ZCCHC2: variants seen among roughly 807,000 people sequenced by gnomAD.
ZCCHC2 encodes the protein zinc finger CCHC-type containing 2.
Under a neutral mutation model 103.6 loss-of-function variants are expected in ZCCHC2, and 39 were observed. The observed-to-expected ratio is 0.38, with a 90% CI of 0.29 to 0.49. ZCCHC2 has a LOEUF of 0.49. Ranked by LOEUF, ZCCHC2 falls within the 20% of genes least tolerant of loss-of-function variation. ZCCHC2 has a pLI of 0.96. For synonymous variants in ZCCHC2, 687 were observed against 608.9 expected (o/e 1.13, Z -1.89); for missense variants, 1,483 against 1,491.0 (o/e 0.99, Z 0.09).
chr18:62,523,353 C>A lies in ZCCHC2; in HGVS notation c.-72C>A. 2.0e-6 allele frequency: 2 copies of A among 997,446 alleles called. No individual in the cohort carries two copies. The highest frequency in any genetic ancestry group is 1.1e-4 in the East Asian group (1 of 9,288). 61.8% of individuals were successfully genotyped at this position (997,446 alleles called of 1,614,324 possible). A position where few individuals can be genotyped will look rare whatever the true frequency, so the allele number is the denominator to read the frequency against. ...CCGCTCCTGACGGCCGCGCCGCCGC[C>A]TCGGCCCGTGCTCCACCTCGCGGCC... On this transcript the variant is annotated 5_prime_UTR_variant, in exon 1 of 14. Transcript: ENST00000269499.
intron 2 of ZCCHC2, among the ~76,000 whole-genome samples, chr18:62,541,944 T>C (rs541396754): frequency 1.3e-5 from 2 of 152,326 alleles, no homozygotes; most frequent in South Asian, 4.1e-4. Context: ...TATTATAATG[T>C]TCAGTTTATA....
exon 15 of ZCCHC2, chr18:62,585,629 A>G (rs1253403466): frequency 6.6e-6 from 1 of 152,168 alleles, no homozygotes; most frequent in Non-Finnish European, 1.5e-5. Flanking sequence ...CACCCACCAC[A>G]GTCCATGTGA....
In ZCCHC2 at chr18:62,523,298, C is replaced by T; in HGVS notation, c.-127C>T. On this transcript the variant is annotated 5_prime_UTR_variant, in exon 1 of 14. Coordinates refer to ENST00000269499, the MANE Select transcript of ZCCHC2 (RefSeq NM_017742.6). ...CGCCGGCCGAGACCCGCCCCCGGCC[C>T]CGGCCCTCCCCCGGCGGCATGGAGG... 1.1e-6 allele frequency: 1 copy of T among 923,522 alleles called. No homozygotes were observed. 57.2% of individuals were successfully genotyped at this position (923,522 alleles called of 1,614,324 possible).
At chr18:62,548,344 A>G (rs1269187096) in intron 4 of ZCCHC2, among the ~76,000 whole-genome samples, 1 of 152,190 alleles carries the variant, frequency 6.6e-6, no homozygotes, top group African/African-American at 2.4e-5. Flanking sequence ...AAAATAAATC[A>G]GTTTGCTCAT....
chr18:62,523,455 A>G lies in ZCCHC2; in HGVS notation c.31A>G (p.Thr11Ala), dbSNP rs962440736. 272 of 1,088,284 alleles carry G rather than the reference A, an allele frequency of 2.5e-4. No individual in the cohort carries two copies. The highest frequency in any genetic ancestry group is 3.1e-4 in the Admixed American group (8 of 26,120). The allele number at this position is 1,088,284 out of a possible 1,614,324, so 67.4% of individuals were successfully genotyped here. A position where few individuals can be genotyped will look rare whatever the true frequency, so the allele number is the denominator to read the frequency against. ...GAGGATGAAGCTGCCGCTGAAGCCA[A>G]CGCACCCCGCGGAGCCGCCGCCCGA... is the stretch of plus-strand genomic sequence containing the variant. MLRMKLPLKP[T>A]HPAEPPPEAE... is the part of the protein sequence containing the mutation. Residue 11 changes from threonine (T) to alanine (A), a missense_variant, in exon 1 of 14, where the codon ACG becomes GCG. This residue lies in a region of ZCCHC2 where 568 missense variants were observed against 525.1 expected (regional missense o/e 1.08). Coordinates refer to ENST00000269499, the MANE Select transcript of ZCCHC2 (RefSeq NM_017742.6).
intron 1 of ZCCHC2, among the ~76,000 whole-genome samples, chr18:62,534,999 G>A (rs758569974): frequency 6.6e-6 from 1 of 152,206 alleles, no homozygotes; most frequent in East Asian, 1.9e-4. Context: ...TTTTTGCACT[G>A]GGGGTGAAGC....
chr18:62,545,029 C>G (rs1031220282), intron 4 of ZCCHC2, among the ~76,000 whole-genome samples, 156 bp downstream of exon 4: 3 of 152,108 alleles, frequency 2.0e-5, no homozygotes, highest in Non-Finnish European at 2.9e-5. Flanking sequence ...TCATGTTATT[C>G]TAAAAATGTT....
At position 62,524,037 on chromosome 18, in the gene ZCCHC2, C is replaced by T. The variant is rs747302925; in HGVS notation, c.613C>T (p.Leu205=). ...LPQVDSVLKS[L]RAARGEGSRG... ...CCAGGTGGACTCGGTGCTCAAAAGC[C>T]TGCGCGCGGCCCGGGGCGAGGGCTC... The change falls in exon 1 of 14, where the codon CTG becomes TTG. Residue 205 remains leucine, a synonymous_variant. Coordinates refer to ENST00000269499, the MANE Select transcript of ZCCHC2 (RefSeq NM_017742.6). 46 of 1,466,714 alleles carry T rather than the reference C, an allele frequency of 3.1e-5. No individual in the cohort carries two copies. Among genetic ancestry groups the T allele is most frequent in the Non-Finnish European group, 3.9e-5 (44 of 1,121,252 alleles). The allele number at this position is 1,466,714 out of a possible 1,614,324, so 90.9% of individuals were successfully genotyped here. A position where few individuals can be genotyped will look rare whatever the true frequency, so the allele number is the denominator to read the frequency against.
At chr18:62,569,856 A>G (rs979847204) in intron 11 of ZCCHC2, among the ~76,000 whole-genome samples, 1 of 152,016 alleles carries the variant, frequency 6.6e-6, no homozygotes, top group African/African-American at 2.4e-5. Context: ...CCTGCAACCA[A>G]CCTTAACTCG....
At chr18:62,545,225 GA>G (rs998524926) in intron 4 of ZCCHC2, among the ~76,000 whole-genome samples, 83 of 143,692 alleles carry the variant, frequency 5.8e-4, no homozygotes, top group African/African-American at 1.2e-3. Context: ...ATCTCTATTT[GA>G]AAAAAAAAAA....
chr18:62,563,188 C>T (rs1327235577), intron 9 of ZCCHC2, 44 bp downstream of exon 9: 1 of 1,571,652 alleles, frequency 6.4e-7, no homozygotes, highest in East Asian at 2.3e-5. Flanking sequence ...TAAAGCATTG[C>T]TCCTCTATAA....
chr18:62,575,017 G>C lies in ZCCHC2; in HGVS notation c.2936G>C (p.Ser979Thr). 6.2e-7 allele frequency: 1 copy of C among 1,614,004 alleles called. No individual in the cohort carries two copies. The highest frequency in any genetic ancestry group is 8.5e-7 in the Non-Finnish European group (1 of 1,179,896). The change falls in exon 13 of 14, where the codon AGT becomes ACT. Residue 979 changes from serine (S) to threonine (T), a missense_variant. Ser to Thr is a moderately conservative substitution (Grantham distance 58, BLOSUM62 1). Coordinates refer to ENST00000269499, the MANE Select transcript of ZCCHC2 (RefSeq NM_017742.6). ...APSPSPALTH[S>T]TAQSDSTSYI... The stretch of plus-strand genomic sequence containing the variant: ...AGCCCAAGCCCTGCCTTGACACACA[G>C]TACCGCGCAGAGTGACAGCACCTCT...
chr18:62,537,887 C>T (rs1057183170), intron 1 of ZCCHC2, among the ~76,000 whole-genome samples: 11 of 152,124 alleles, frequency 7.2e-5, no homozygotes, highest in Non-Finnish European at 1.5e-5. Flanking sequence ...ATTTTTGTTT[C>T]CACCATCAAT....
At chr18:62,560,536 G>A (rs890368030) in intron 7 of ZCCHC2, 51 bp from the exon 8 acceptor site, 2 of 1,488,180 alleles carry the variant, frequency 1.3e-6, no homozygotes, top group African/African-American at 2.8e-5. Flanking sequence ...TCCTACTGTT[G>A]GTTTTTGCTG....
At chr18:62,542,304 G>T (rs1915228157) in intron 2 of ZCCHC2, among the ~76,000 whole-genome samples, 194 bp from the exon 3 acceptor site, 1 of 151,984 alleles carries the variant, frequency 6.6e-6, no homozygotes, top group African/African-American at 2.4e-5. Flanking sequence ...TTTTTTCATG[G>T]GTGGATGGCA....
Position 62,523,376 on chromosome 18 carries a change from G to GGGGGGGGGGGGC in ZCCHC2, c.-49_-48insGGGGGGGGGGGC. On this transcript the variant is annotated 5_prime_UTR_variant, in exon 1 of 14. Transcript: ENST00000269499. The stretch of plus-strand genomic sequence containing the variant: ...GCCTCGGCCCGTGCTCCACCTCGCG[G>GGGGGGGGGGGGC]CCCCTCCCGCCCGCCCCCGCTCGCA... 5.9e-6 allele frequency: 6 copies of GGGGGGGGGGGGC among 1,012,346 alleles called. No individual in the cohort carries two copies. The highest frequency in any genetic ancestry group is 7.1e-6 in the Non-Finnish European group (6 of 848,982). The allele number at this position is 1,012,346 out of a possible 1,614,324, so 62.7% of individuals were successfully genotyped here. A position where few individuals can be genotyped will look rare whatever the true frequency, so the allele number is the denominator to read the frequency against.
chr18:62,526,436 T>G (rs1181675939), intron 1 of ZCCHC2: 1 of 152,322 alleles, frequency 6.6e-6, no homozygotes, highest in Non-Finnish European at 1.5e-5. Flanking sequence ...ATTAAGTTGT[T>G]ACGACCCCGC....
intron 4 of ZCCHC2, among the ~76,000 whole-genome samples, chr18:62,546,577 A>G (rs1915420106): frequency 2.0e-5 from 3 of 152,132 alleles, no homozygotes; most frequent in African/African-American, 7.2e-5. Flanking sequence ...AAAGCCTTGA[A>G]AAGGGGGGTT....
intron 14 of ZCCHC2, among the ~76,000 whole-genome samples, chr18:62,584,182 T>TGC (rs1917113791): frequency 1.3e-5 from 2 of 152,176 alleles, no homozygotes; most frequent in African/African-American, 4.8e-5. Flanking sequence ...TGTGTGTGTA[T>TGC]GCAAATGTTT....
Sources: allele counts gnomAD v4.1 joint callset (sites outside exome capture counted in the v4.1 genomes callset), GRCh38; gene constraint gnomAD v4.1.1; regional missense constraint gnomAD v4.1.1; transcripts MANE v1.5; gene names NCBI Gene and HGNC (gene_info 2026-07-23, HGNC 2026-07-21).